Variants in ABCA13 observed in about 807,000 individuals in gnomAD.
The protein encoded by ABCA13 is ATP-binding cassette sub-family A member 13.
A neutral mutation model predicts 478.7 loss-of-function variants in ABCA13; 476 were observed. The observed-to-expected ratio is 0.99, with a 90% CI of 0.92 to 1.07. The LOEUF (loss-of-function observed/expected upper bound fraction) is 1.07, where lower values mean the gene tolerates loss of function less well. Ranked by LOEUF, ABCA13 falls within the 50% of genes least tolerant of loss-of-function variation. The pLI is 0.00. For synonymous variants in ABCA13, 2,252 were observed against 2,158.9 expected (o/e 1.04, Z -1.20); for missense variants, 6,060 against 5,910.6 (o/e 1.03, Z -0.83).
intron 15 of ABCA13, among the ~76,000 whole-genome samples, chr7:48,263,574 G>T (rs1374968837): frequency 6.6e-6 from 1 of 151,844 alleles, no homozygotes; most frequent in Admixed American, 6.6e-5. Flanking sequence ...TAAATAAAAT[G>T]ATGTTTCTAA....
At chr7:48,370,027 G>A (rs1354643704) in intron 32 of ABCA13, among the ~76,000 whole-genome samples, 1 of 152,076 alleles carries the variant, frequency 6.6e-6, no homozygotes, top group African/African-American at 2.4e-5. Context: ...CGTGAGCATG[G>A]CATGTGTTTC....
In ABCA13 at chr7:48,412,586, A is replaced by G. The variant is rs1450581968; in HGVS notation, c.12459+3A>G. 3 of 1,591,208 alleles carry G rather than the reference A, an allele frequency of 1.9e-6. No homozygotes were observed. The highest frequency in any genetic ancestry group is 1.4e-5 in the African/African-American group (1 of 73,392). On this transcript the variant is annotated splice_donor_region_variant and intron_variant, in intron 41 of 61. Transcript: ENST00000435803. ...TCTCAGACACCACCTTAGAAGAGGT[A>G]CTGAGAAAACTGAAGCGTGCTTTAA... is the stretch of plus-strand genomic sequence containing the variant.
In ABCA13 at chr7:48,382,581, T is replaced by A. The variant is rs74451325; in HGVS notation, c.11336-5241T>A. 2.2e-3 allele frequency among the ~76,000 whole-genome samples: 341 copies of A among 152,304 alleles called. 1 individual carries two copies. The highest frequency in any genetic ancestry group is 0.01 in the Middle Eastern group (3 of 294). ...ATATTCATACTAAAACATTAATTGT[T>A]GTTTGTCTGAATTTCAAAATTAATT... On this transcript the variant is annotated intron_variant, in intron 35 of 61. Coordinates refer to ENST00000435803, the MANE Select transcript of ABCA13 (RefSeq NM_152701.5).
At chr7:48,200,993 AAT>A in intron 3 of ABCA13, among the ~76,000 whole-genome samples, 1 of 152,176 alleles carries the variant, frequency 6.6e-6, no homozygotes, top group Admixed American at 6.5e-5. Context: ...ATAGAAAGAG[AAT>A]AAGAGTTCAA....
rs150681452 is a variant in ABCA13 at position 48,561,910 on chromosome 7, C to T, written c.14355-18314C>T. On this transcript the variant is annotated intron_variant, in intron 55 of 61. Coordinates refer to ENST00000435803, the MANE Select transcript of ABCA13 (RefSeq NM_152701.5). The stretch of plus-strand genomic sequence containing the variant: ...CTATTTTGAATTGAGTTTTGGATAT[C>T]GCATAAGATAAGTGTCCAATTTCAT... 6.1e-3 allele frequency among the ~76,000 whole-genome samples: 929 copies of T among 151,896 alleles called. 9 individuals carry two copies. The highest frequency in any genetic ancestry group is 0.021 in the African/African-American group (885 of 41,396).
chr7:48,176,037 C>T (rs924277202), intron 1 of ABCA13, among the ~76,000 whole-genome samples: 1 of 152,130 alleles, frequency 6.6e-6, no homozygotes, highest in African/African-American at 2.4e-5. Context: ...GTGGATGGTA[C>T]ACTTCCCCTA....
chr7:48,406,486 AG>A (rs933225222), intron 39 of ABCA13, among the ~76,000 whole-genome samples: 2 of 152,224 alleles, frequency 1.3e-5, no homozygotes, highest in Non-Finnish European at 2.9e-5. Context: ...AAAATAGACA[AG>A]GGGCGAATGT....
intron 8 of ABCA13, among the ~76,000 whole-genome samples, chr7:48,237,549 C>G (rs889797369): frequency 6.6e-6 from 1 of 152,210 alleles, no homozygotes; most frequent in African/African-American, 2.4e-5. Context: ...TTCTCTCACT[C>G]TCATAATCTG....
chr7:48,201,480 G>A (rs1405658968), intron 3 of ABCA13, among the ~76,000 whole-genome samples: 2 of 152,188 alleles, frequency 1.3e-5, no homozygotes, highest in Non-Finnish European at 2.9e-5. Flanking sequence ...CCAGCACTTT[G>A]GGAGGCTGAG....
chr7:48,434,295 G>A (rs981270911), intron 42 of ABCA13, among the ~76,000 whole-genome samples: 4 of 151,914 alleles, frequency 2.6e-5, no homozygotes, highest in Non-Finnish European at 5.9e-5. Flanking sequence ...GTGCTTATTG[G>A]CCATTAGCAT....
At chr7:48,559,659 C>G (rs931925548) in intron 55 of ABCA13, among the ~76,000 whole-genome samples, 3 of 152,146 alleles carry the variant, frequency 2.0e-5, no homozygotes, top group African/African-American at 7.2e-5. Flanking sequence ...CTGAAGCCAA[C>G]ACAACTCAGT....
At chr7:48,634,266 C>CGT in intron 59 of ABCA13, among the ~76,000 whole-genome samples, 1 of 152,078 alleles carries the variant, frequency 6.6e-6, no homozygotes, top group South Asian at 2.1e-4. Flanking sequence ...TTTGAGATTG[C>CGT]GTGTGTGTGA....
At chr7:48,583,626 A>C (rs1563467672) in intron 56 of ABCA13, among the ~76,000 whole-genome samples, 1 of 152,188 alleles carries the variant, frequency 6.6e-6, no homozygotes, top group Admixed American at 6.5e-5. Context: ...GCATCCCAAA[A>C]CAAATGCATC....
intron 31 of ABCA13, among the ~76,000 whole-genome samples, chr7:48,360,712 G>A (rs933278649): frequency 3.1e-4 from 47 of 151,868 alleles, no homozygotes; most frequent in African/African-American, 1.1e-3. Flanking sequence ...ACTAGAAATC[G>A]CAAAGTCTTG....
intron 32 of ABCA13, among the ~76,000 whole-genome samples, chr7:48,369,235 G>A (rs1357819521): frequency 6.6e-6 from 1 of 151,750 alleles, no homozygotes; most frequent in Non-Finnish European, 1.5e-5. Context: ...TCCTTCACCC[G>A]CTTTTTGATG....
chr7:48,341,879 GATATATATATATATATCT>G (rs1807257275), intron 29 of ABCA13, among the ~76,000 whole-genome samples: 1 of 31,336 alleles, frequency 3.2e-5, no homozygotes, highest in African/African-American at 1.1e-4. Flanking sequence ...ATATCTTTCT[GATATATATATATATATCT>G]TTCTGATATA....
At chr7:48,410,465 G>T in intron 39 of ABCA13, 55 bp from the exon 40 acceptor site, 1 of 1,595,624 alleles carries the variant, frequency 6.3e-7, no homozygotes, top group Non-Finnish European at 8.6e-7. Context: ...AGGAGGGAAG[G>T]TCCTCCTGGG....
chr7:48,222,091 A>C (rs1787448393), intron 5 of ABCA13, among the ~76,000 whole-genome samples: 1 of 152,212 alleles, frequency 6.6e-6, no homozygotes, highest in Non-Finnish European at 1.5e-5. Context: ...GAAAAGTAAA[A>C]GAATAGGGGC....
intron 27 of ABCA13, among the ~76,000 whole-genome samples, chr7:48,328,789 A>T (rs577124544): frequency 6.6e-6 from 1 of 152,308 alleles, no homozygotes; most frequent in East Asian, 1.9e-4. Context: ...AGATGCTCAA[A>T]CTTAATAGTA....
Sources: allele counts gnomAD v4.1 joint callset (sites outside exome capture counted in the v4.1 genomes callset), GRCh38; gene constraint gnomAD v4.1.1; transcripts MANE v1.5; gene names NCBI Gene and HGNC (gene_info 2026-07-23, HGNC 2026-07-21).